Variants in ZNF615 observed in about 807,000 individuals in gnomAD.
ZNF615 encodes the protein zinc finger protein 615.
Under a neutral mutation model 15.3 loss-of-function variants are expected in ZNF615, and 15 were observed. The observed-to-expected ratio is 0.98, with a 90% CI of 0.66 to 1.51. The LOEUF is 1.51. Among genes scored for constraint, ZNF615 ranks in the 40% most tolerant of loss-of-function variants. The pLI is 0.00. For synonymous variants in ZNF615, 268 were observed against 294.6 expected (o/e 0.91, Z 0.92); for missense variants, 848 against 895.9 (o/e 0.95, Z 0.68).
rs567794746 is a variant in ZNF615 at position 51,997,786 on chromosome 19, G to A, written c.271+2560C>T. The stretch of plus-strand genomic sequence containing the variant: ...ATGTCTCAGGCTTTGGGCCACATTT[G>A]TATTGTTTTGACTCTGGGTGGCTAC... On this transcript the variant is annotated intron_variant, in intron 6 of 6. Coordinates refer to ENST00000598071, the MANE Select transcript of ZNF615 (RefSeq NM_001199324.2). Among the ~76,000 whole-genome samples the A allele has an allele frequency of 2.6e-5, 4 of 152,284 alleles. No individual in the cohort carries two copies. The South Asian group carries it at 8.3e-4, about 32-fold the overall frequency.
At chr19:52,000,181 A>T in intron 6 of ZNF615, 165 bp downstream of exon 6, 1 of 404,288 alleles carries the variant, frequency 2.5e-6, no homozygotes, top group East Asian at 3.6e-5. Context: ...TTGGGAACAC[A>T]GGGACATCAA....
rs1261124426 is a variant in ZNF615 at position 51,992,525 on chromosome 19, A to G, written c.*355T>C. On this transcript the variant is annotated 3_prime_UTR_variant, in exon 7 of 7. Coordinates refer to ENST00000598071, the MANE Select transcript of ZNF615 (RefSeq NM_001199324.2). ...GTTTGCCAGAGGAAAGTATTTCTCC[A>G]GTGTGAACTCTCTCAATCTGTTGAA... The G allele has an allele frequency of 1.1e-5, 2 of 181,280 alleles. No individual in the cohort carries two copies. Among genetic ancestry groups the G allele is most frequent in the East Asian group, 2.9e-4 (2 of 6,840 alleles). 11.2% of individuals were successfully genotyped at this position (181,280 alleles called of 1,614,324 possible).
chr19:52,003,687 C>T lies in ZNF615; in HGVS notation c.15+10G>A, dbSNP rs748028919. 1.2e-6 allele frequency: 2 copies of T among 1,610,906 alleles called. No homozygotes were observed. Among genetic ancestry groups the T allele is most frequent in the Non-Finnish European group, 1.7e-6 (2 of 1,178,256 alleles). The stretch of plus-strand genomic sequence containing the variant: ...GAATAAAGGAAAGAATAAAACAAAC[C>T]AAAAGTCACCTGGGCCTGCATCATT... On this transcript the variant is annotated intron_variant, in intron 3 of 6. Coordinates refer to ENST00000598071, the MANE Select transcript of ZNF615 (RefSeq NM_001199324.2).
At position 51,992,399 on chromosome 19, in the gene ZNF615, T is replaced by C. The variant is rs2086256295; in HGVS notation, c.*481A>G. 2 of 152,928 alleles carry C rather than the reference T, an allele frequency of 1.3e-5. No homozygotes were observed. The highest frequency in any genetic ancestry group is 4.8e-5 in the African/African-American group (2 of 41,260). The allele number at this position is 152,928 out of a possible 1,614,324, so 9.5% of individuals were successfully genotyped here. On this transcript the variant is annotated 3_prime_UTR_variant, in exon 7 of 7. Transcript: ENST00000598071. ...TCCTTCATTAAATTCTCTGATATTT[T>C]CCTAAAAGTCTTCTACATTGAATGT...
chr19:52,002,561 A>G, intron 3 of ZNF615: 1 of 501,830 alleles, frequency 2.0e-6, no homozygotes, highest in Admixed American at 2.4e-5. Context: ...TCTATTTCCC[A>G]ATACCAAACT....
chr19:51,994,221 C>T lies in ZNF615; in HGVS notation c.888G>A (p.Gly296=), dbSNP rs1313178300. 3 of 1,613,896 alleles carry T rather than the reference C, an allele frequency of 1.9e-6. No homozygotes were observed. The highest frequency in any genetic ancestry group is 2.5e-6 in the Non-Finnish European group (3 of 1,180,022). The change falls in exon 7 of 7, where the codon GGG becomes GGA. Residue 296 remains glycine (G), a synonymous_variant. Coordinates refer to ENST00000598071, the MANE Select transcript of ZNF615 (RefSeq NM_001199324.2). ...CACATTGGCTACATGTGTAAGGTTT[C>T]CCTCCCATATGAGTTTTCTGATGTA... ...LNIHQKTHMG[G]KPYTCSQCGK...
Position 51,993,898 on chromosome 19 carries a change from G to A in ZNF615, c.1211C>T (p.Thr404Ile). ...LKNSLITHQQ[T>I]HTGEKLYTCS... The stretch of plus-strand genomic sequence containing the variant: ...TGTATATAATTTCTCTCCTGTATGA[G>A]TTTGCTGATGTGTGATAAGACTGTT... Residue 404 changes from threonine to isoleucine, a missense_variant, in exon 7 of 7, where the codon ACT becomes ATT. Thr to Ile is a moderately conservative substitution (Grantham distance 89, BLOSUM62 -1). Transcript: ENST00000598071. The A allele has an allele frequency of 1.2e-6, 2 of 1,614,146 alleles. No individual in the cohort carries two copies. The highest frequency in any genetic ancestry group is 2.2e-5 in the South Asian group (2 of 91,084).
rs906752726 is a variant in ZNF615, at chr19:52,002,148, T to C, written c.142+7A>G. The C allele has an allele frequency of 2.3e-5, 37 of 1,614,030 alleles. No individual in the cohort carries two copies. The highest frequency in any genetic ancestry group is 2.8e-5 in the Non-Finnish European group (33 of 1,180,032). ...CCCTCTGAGTGACACAGGGCAGCTG[T>C]CCTCACCCACTGCCACCAGGTTGCT... On this transcript the variant is annotated splice_region_variant and intron_variant, in intron 4 of 6. Coordinates refer to ENST00000598071, the MANE Select transcript of ZNF615 (RefSeq NM_001199324.2).
At chr19:52,002,653 C>T (rs1351484295) in intron 3 of ZNF615, among the ~76,000 whole-genome samples, 1 of 152,140 alleles carries the variant, frequency 6.6e-6, no homozygotes, top group East Asian at 1.9e-4. Context: ...CAATATCAAA[C>T]TCTGTAATGA....
intron 6 of ZNF615, among the ~76,000 whole-genome samples, chr19:51,998,428 A>G (rs2086502058): frequency 6.6e-6 from 1 of 152,166 alleles, no homozygotes; most frequent in Non-Finnish European, 1.5e-5. Context: ...AGCTGTTCCC[A>G]CCCTACAAGC....
At chr19:52,007,975 GC>G in intron 1 of ZNF615, 165 bp downstream of exon 1, 1 of 634,888 alleles carries the variant, frequency 1.6e-6, no homozygotes, top group East Asian at 2.8e-5. Context: ...TAGTTCCCCT[GC>G]GATAGGAATC....
In ZNF615 at chr19:52,008,163, G is replaced by A. The variant is rs1237191302; in HGVS notation, c.-250C>T. 4.6e-6 allele frequency: 7 copies of A among 1,535,460 alleles called. No individual in the cohort carries two copies. Among genetic ancestry groups the A allele is most frequent in the Admixed American group, 2.0e-5 (1 of 50,976 alleles). On this transcript the variant is annotated 5_prime_UTR_variant, in exon 1 of 7. Coordinates refer to ENST00000598071, the MANE Select transcript of ZNF615 (RefSeq NM_001199324.2). ...TACTTCCCAGAACTTGGTGGGCTCCGGCCTCATCTCTCGGCCTCCTCAGTG... is the reference window on the plus strand; with the variant it reads ...TACTTCCCAGAACTTGGTGGGCTCCAGCCTCATCTCTCGGCCTCCTCAGTG...
chr19:52,003,039 C>T (rs1030437545), intron 3 of ZNF615, among the ~76,000 whole-genome samples: 13 of 152,068 alleles, frequency 8.5e-5, no homozygotes, highest in African/African-American at 2.9e-4. Context: ...GTTGGCCAGG[C>T]TGGTCTCACA....
chr19:52,003,594 G>A (rs2086667202), intron 3 of ZNF615, 103 bp downstream of exon 3: 1 of 1,099,700 alleles, frequency 9.1e-7, no homozygotes, highest in African/African-American at 1.6e-5. Flanking sequence ...TCCAGGTCCT[G>A]ATATTTCCAA....
chr19:51,994,673 T>C lies in ZNF615; in HGVS notation c.436A>G (p.Lys146Glu), dbSNP rs1193376375. 3.7e-6 allele frequency: 6 copies of C among 1,613,318 alleles called. No individual in the cohort carries two copies. Among genetic ancestry groups the C allele is most frequent in the Admixed American group, 1.7e-5 (1 of 59,970 alleles). The change falls in exon 7 of 7, where the codon AAA becomes GAA. Residue 146 changes from lysine to glutamate, a missense_variant. Lys to Glu is a moderately conservative substitution (Grantham distance 56). Coordinates refer to ENST00000598071, the MANE Select transcript of ZNF615 (RefSeq NM_001199324.2). ...QDCDTFDLHE[K>E]PLKSNLSFEN... is the part of the protein sequence containing the mutation. ...AAACTTAAATTTGATTTTAAAGGTT[T>C]TTCATGTAAGTCAAACGTATCACAA...
chr19:51,993,952 T>C lies in ZNF615; in HGVS notation c.1157A>G (p.Asn386Ser), dbSNP rs766202403. The part of the protein sequence containing the change: ...THTGEKPFIC[N>S]KCGKGFTLKN... ...CAAGGTGAAGCCTTTCCCACATTTA[T>C]TGCATATAAAGGGTTTCTCACCAGT... Residue 386 changes from asparagine (N) to serine (S), a missense_variant, in exon 7 of 7, where the codon AAT becomes AGT. Physicochemically the swap from Asn to Ser is conservative, Grantham distance 46. Coordinates refer to ENST00000598071, the MANE Select transcript of ZNF615 (RefSeq NM_001199324.2). The C allele has an allele frequency of 8.7e-6, 14 of 1,613,928 alleles. No homozygotes were observed. Among genetic ancestry groups the C allele is most frequent in the Non-Finnish European group, 1.1e-5 (13 of 1,179,890 alleles).
chr19:52,003,115 C>T (rs966059746), intron 3 of ZNF615, among the ~76,000 whole-genome samples: 4 of 150,400 alleles, frequency 2.7e-5, no homozygotes, highest in Admixed American at 6.6e-5. Flanking sequence ...GTGTGAGCCA[C>T]AGCGCCTGGC....
rs550749610 is a variant in ZNF615, at chr19:51,998,085, C to T, written c.271+2261G>A. 3.3e-5 allele frequency among the ~76,000 whole-genome samples: 5 copies of T among 152,312 alleles called. No individual in the cohort carries two copies. In the South Asian group the frequency reaches 1.0e-3, roughly 32 times the overall value. On this transcript the variant is annotated intron_variant, in intron 6 of 6. Transcript: ENST00000598071. Reference sequence around the variant, plus strand: ...CCTTCTACGTAGCAGGCAAAGTAATCTATCAAATAAATTAGTTATATCATG... The same window carrying T: ...CCTTCTACGTAGCAGGCAAAGTAATTTATCAAATAAATTAGTTATATCATG...
intron 2 of ZNF615, 75 bp from the exon 3 acceptor site, chr19:52,003,975 T>A (rs562963858): frequency 2.9e-6 from 3 of 1,036,102 alleles, no homozygotes; most frequent in East Asian, 3.5e-5. Context: ...ATGCTCACCT[T>A]AAATCAAGGC....
Sources: allele counts gnomAD v4.1 joint callset (sites outside exome capture counted in the v4.1 genomes callset), GRCh38; gene constraint gnomAD v4.1.1; transcripts MANE v1.5; gene names NCBI Gene and HGNC (gene_info 2026-07-23, HGNC 2026-07-21).